The following FHIP1A variants were observed in gnomAD, a reference collection of about 807,000 sequenced individuals.
FHIP1A encodes the protein FHF complex subunit HOOK interacting protein 1A.
FHIP1A carries 61 observed loss-of-function variants against 88.6 expected under a neutral mutation model. The ratio of observed to expected loss-of-function variants is 0.69; its 90% CI spans 0.56 to 0.85. The LOEUF (loss-of-function observed/expected upper bound fraction) is 0.85. Among genes scored for constraint, FHIP1A ranks in the 40% least tolerant of loss-of-function variants. FHIP1A has a pLI of 0.00. For missense variants in FHIP1A, 1,154 were observed against 1,273.5 expected, an observed-to-expected ratio of 0.91 and a Z score of 1.43; for synonymous variants, 478 against 496.0, an observed-to-expected ratio of 0.96 and a Z score of 0.48.
chr4:151,551,915 T>A (rs1391507055), intron 3 of FHIP1A, among the ~76,000 whole-genome samples: 3 of 151,992 alleles, frequency 2.0e-5, no homozygotes, highest in East Asian at 1.9e-4. Context: ...GGGAGAAAAT[T>A]TTTGCAATCT....
intron 1 of FHIP1A, among the ~76,000 whole-genome samples, chr4:151,445,843 T>C (rs1002080567): frequency 1.2e-4 from 16 of 133,714 alleles, no homozygotes; most frequent in Admixed American, 1.1e-3. Flanking sequence ...AGACCTCATC[T>C]CTTAAAATAT....
chr4:151,569,532 A>G (rs1733516741), intron 4 of FHIP1A, among the ~76,000 whole-genome samples: 1 of 152,044 alleles, frequency 6.6e-6, no homozygotes, highest in African/African-American at 2.4e-5. Flanking sequence ...AGCCTGGGTG[A>G]CAGAGCAAGA....
intron 2 of FHIP1A, 118 bp downstream of exon 2, chr4:151,454,926 T>C (rs1046454824): frequency 6.6e-6 from 1 of 152,136 alleles, no homozygotes; most frequent in African/African-American, 2.4e-5. Flanking sequence ...CATAACCTAG[T>C]TGCAATTCTT....
chr4:151,617,418 TTGAAA>T (rs1735582929), intron 7 of FHIP1A, among the ~76,000 whole-genome samples: 1 of 152,298 alleles, frequency 6.6e-6, no homozygotes, highest in East Asian at 1.9e-4. Flanking sequence ...TAACCTGGTT[TTGAAA>T]ACCTCTCCTG....
chr4:151,552,945 C>G (rs923558335), intron 3 of FHIP1A, among the ~76,000 whole-genome samples: 4 of 152,030 alleles, frequency 2.6e-5, no homozygotes. Context: ...GTACATAACC[C>G]TGTAAAAATA....
rs144069612 is a variant in FHIP1A, at chr4:151,597,571, G to T, written c.978+8645G>T. Among the ~76,000 whole-genome samples, 1,270 of 152,278 alleles carry T rather than the reference G, an allele frequency of 8.3e-3. 20 individuals are homozygous for T. Among genetic ancestry groups the T allele is most frequent in the African/African-American group, 0.03 (1,230 of 41,566 alleles). ...ACTCGAGCGCTGTGCTGGGAGATCC[G>T]CTGCTCTCTTGAGAGCTGGCAGGCA... On this transcript the variant is annotated intron_variant, in intron 7 of 13. Transcript: ENST00000435205.
At chr4:151,452,101 G>A (rs114464633) in intron 1 of FHIP1A, among the ~76,000 whole-genome samples, 1,887 of 152,262 alleles carry the variant, frequency 0.012, 50 homozygotes, top group African/African-American at 0.042. Flanking sequence ...AATTACAGGC[G>A]TGAGCCACCA....
chr4:151,443,095 A>C (rs552209440), intron 1 of FHIP1A, among the ~76,000 whole-genome samples: 4 of 152,120 alleles, frequency 2.6e-5, no homozygotes, highest in African/African-American at 9.6e-5. Flanking sequence ...ACATAGCGAG[A>C]CCCTGTTTCT....
At chr4:151,527,855 T>TATA (rs2126707377) in intron 3 of FHIP1A, among the ~76,000 whole-genome samples, 1 of 151,900 alleles carries the variant, frequency 6.6e-6, no homozygotes, top group Non-Finnish European at 1.5e-5. Flanking sequence ...ATTCTGATTT[T>TATA]ATTTATAGGC....
chr4:151,577,871 A>T lies in FHIP1A; in HGVS notation c.527A>T (p.Asp176Val), dbSNP rs1312935579. The T allele has an allele frequency of 2.6e-6, 4 of 1,551,690 alleles. No individual in the cohort carries two copies. The highest frequency in any genetic ancestry group is 3.5e-6 in the Non-Finnish European group (4 of 1,147,002). ...CAGCTCTGTTCCATTCTTGCCAAAG[A>T]TCCATCCATTTTAGAACTCTTCTTC... ...LNQLCSILAK[D>V]PSILELFFHT... is the part of the protein sequence containing the mutation. The change falls in exon 5 of 14, where the codon GAT (aspartate) becomes GTT (valine). Residue 176 changes from aspartate to valine, a missense_variant. Physicochemically the swap from Asp to Val is radical, Grantham distance 152. Transcript: ENST00000435205.
intron 4 of FHIP1A, among the ~76,000 whole-genome samples, chr4:151,567,784 T>C (rs1733444282): frequency 6.6e-6 from 1 of 152,078 alleles, no homozygotes; most frequent in Non-Finnish European, 1.5e-5. Context: ...GATTACTAAT[T>C]TATTTATTTG....
At chr4:151,637,478 C>G (rs1371073077) in intron 8 of FHIP1A, among the ~76,000 whole-genome samples, 1 of 152,082 alleles carries the variant, frequency 6.6e-6, no homozygotes, top group Non-Finnish European at 1.5e-5. Flanking sequence ...GATAAATACA[C>G]CCTGCTGCTC....
intron 3 of FHIP1A, among the ~76,000 whole-genome samples, chr4:151,513,894 C>A (rs977264310): frequency 6.0e-5 from 9 of 150,558 alleles, no homozygotes; most frequent in African/African-American, 9.8e-5. Context: ...GACAGATCAA[C>A]GAGACAGAAA....
rs535840194 is a variant in FHIP1A, at chr4:151,654,560, G to T, written c.2552-1672G>T. On this transcript the variant is annotated intron_variant, in intron 11 of 13. Transcript: ENST00000435205. ...TTGCTCCATCTGGAAGGAAATAGAT[G>T]CTAAGCCAGGGACTGCGGGGGAGCA... Among the ~76,000 whole-genome samples, 8 of 152,310 alleles carry T rather than the reference G, an allele frequency of 5.3e-5. No individual in the cohort carries two copies. In the South Asian group the frequency reaches 1.5e-3, roughly 28 times the overall value.
chr4:151,580,200 T>A (rs1214274040), intron 5 of FHIP1A, among the ~76,000 whole-genome samples: 1 of 152,162 alleles, frequency 6.6e-6, no homozygotes, highest in Non-Finnish European at 1.5e-5. Flanking sequence ...CCCATGACAT[T>A]GACTTTTTAA....
chr4:151,529,780 CA>C (rs1156935632), intron 3 of FHIP1A, among the ~76,000 whole-genome samples: 1 of 152,076 alleles, frequency 6.6e-6, no homozygotes, highest in African/African-American at 2.4e-5. Context: ...AAATTGGAGC[CA>C]AAAGAGGTTA....
chr4:151,458,848 G>C (rs1039509400), intron 2 of FHIP1A, among the ~76,000 whole-genome samples: 2 of 149,894 alleles, frequency 1.3e-5, no homozygotes, highest in Non-Finnish European at 3.0e-5. Flanking sequence ...TGGGCATAGT[G>C]GATCTCTATC....
chr4:151,452,951 T>TAC (rs1554078791), intron 1 of FHIP1A, among the ~76,000 whole-genome samples: 16 of 119,314 alleles, frequency 1.3e-4, no homozygotes, highest in African/African-American at 2.6e-4. Context: ...TATATATATA[T>TAC]ACATACACAC....
In FHIP1A at chr4:151,649,982, G is replaced by A. The variant is rs1457797430; in HGVS notation, c.1941G>A (p.Leu647=). Residue 647 remains leucine (L), a synonymous_variant, in exon 11 of 14, where the codon CTG becomes CTA. Coordinates refer to ENST00000435205, the MANE Select transcript of FHIP1A (RefSeq NM_001109977.3). ...DFQDDVMVYR[L]CAEKDSEDMK... Reference sequence around the variant, plus strand: ...AGGATGATGTGATGGTGTACAGGCTGTGTGCTGAGAAGGACTCCGAGGACA... The same window carrying A: ...AGGATGATGTGATGGTGTACAGGCTATGTGCTGAGAAGGACTCCGAGGACA... The A allele has an allele frequency of 6.4e-7, 1 of 1,551,670 alleles. No individual in the cohort carries two copies. Among genetic ancestry groups the A allele is most frequent in the Non-Finnish European group, 8.7e-7 (1 of 1,146,996 alleles).
Sources: gnomAD v4.1 joint callset for allele counts (sites outside exome capture counted in the v4.1 genomes callset) on GRCh38, gnomAD v4.1.1 for gene constraint, MANE v1.5 for transcripts, NCBI Gene and HGNC (gene_info 2026-07-23, HGNC 2026-07-21) for gene names.